HDAC1: variants seen among roughly 807,000 people sequenced by gnomAD.
HDAC1 encodes histone deacetylase 1.
A neutral mutation model predicts 65.5 loss-of-function variants in HDAC1; 18 were observed. That is an observed-to-expected ratio of 0.27 (90% CI 0.19 to 0.41). The LOEUF is 0.41. Among genes scored for constraint, HDAC1 ranks in the 10% least tolerant of loss-of-function variants. The pLI, the probability that HDAC1 is intolerant of heterozygous loss-of-function variation, is 1.00. For synonymous variants in HDAC1, 211 were observed against 227.9 expected (o/e 0.93, Z 0.67); for missense variants, 373 against 625.2 (o/e 0.60, Z 4.30).
intron 1 of HDAC1, among the ~76,000 whole-genome samples, chr1:32,299,930 C>T (rs1421664322): frequency 6.6e-6 from 1 of 152,112 alleles, no homozygotes; most frequent in East Asian, 1.9e-4. Flanking sequence ...TGATGGCAGG[C>T]ATCTGTAGTC....
intron 4 of HDAC1, among the ~76,000 whole-genome samples, chr1:32,325,512 C>T (rs1313289025): frequency 1.3e-5 from 2 of 152,162 alleles, no homozygotes; most frequent in Non-Finnish European, 2.9e-5. Context: ...ATCTGTGTCA[C>T]ACATATACAA....
chr1:32,310,099 A>C (rs1570014917), intron 2 of HDAC1, among the ~76,000 whole-genome samples: 2 of 152,304 alleles, frequency 1.3e-5, no homozygotes, highest in South Asian at 4.1e-4. Context: ...TTGTCCAGAA[A>C]GGATCTGGCA....
In HDAC1 at chr1:32,327,381, C is replaced by T. The variant is rs969551955; in HGVS notation, c.495-155C>T. 3.9e-5 allele frequency: 27 copies of T among 687,314 alleles called. No homozygotes were observed. Among genetic ancestry groups the T allele is most frequent in the Middle Eastern group, 4.1e-4 (1 of 2,446 alleles). 42.6% of individuals were successfully genotyped at this position (687,314 alleles called of 1,614,324 possible). ...GCTTGGTCAGGCCTCTGGAGACACC[C>T]GGCCGCTCTTCCACCTTCCTTCAGC... is the stretch of plus-strand genomic sequence containing the variant. On this transcript the variant is annotated intron_variant, in intron 5 of 13. Coordinates refer to ENST00000373548, the MANE Select transcript of HDAC1 (RefSeq NM_004964.3). This position sits in a 1 kb window ranked among gnomAD's most constrained non-coding sequence, Gnocchi z 6.0.
intron 1 of HDAC1, among the ~76,000 whole-genome samples, chr1:32,298,068 C>T (rs1454672546): frequency 2.7e-5 from 4 of 146,048 alleles, no homozygotes; most frequent in African/African-American, 1.0e-4. Context: ...GGATTACAGG[C>T]GTGAGCCAGC....
At position 32,330,408 on chromosome 1, in the gene HDAC1, C is replaced by T. The variant is rs1405493169; in HGVS notation, c.730-170C>T. The T allele has an allele frequency of 1.6e-6, 1 of 627,854 alleles. No homozygotes were observed. The highest frequency in any genetic ancestry group is 1.8e-5 in the African/African-American group (1 of 54,784). 38.9% of individuals were successfully genotyped at this position (627,854 alleles called of 1,614,324 possible). On this transcript the variant is annotated intron_variant, in intron 7 of 13. Transcript: ENST00000373548. This position sits in a 1 kb window ranked among gnomAD's most constrained non-coding sequence, Gnocchi z 4.2. ...ACTTTTTAAATTGGAAAATTGAAAT[C>T]CCAAGTGGGCAAGCAAGGGCTCCAG...
intron 4 of HDAC1, among the ~76,000 whole-genome samples, chr1:32,325,357 C>T (rs1237534774): frequency 6.6e-6 from 1 of 152,134 alleles, no homozygotes; most frequent in Non-Finnish European, 1.5e-5. Flanking sequence ...ATCATTGTGT[C>T]CATCCCCGCT....
In HDAC1 at chr1:32,330,876, C is replaced by G; in HGVS notation, c.947C>G (p.Thr316Arg). 1 of 1,614,142 alleles carries G rather than the reference C, an allele frequency of 6.2e-7. No individual in the cohort carries two copies. The highest frequency in any genetic ancestry group is 1.1e-5 in the South Asian group (1 of 91,080). Residue 316 changes from threonine (T) to arginine (R), a missense_variant, in exon 9 of 14, where the codon ACA becomes AGA. Coordinates refer to ENST00000373548, the MANE Select transcript of HDAC1 (RefSeq NM_004964.3). The surrounding 1 kb of genome is among the most constrained non-coding windows in gnomAD (Gnocchi z 4.2). Reference sequence around the variant, plus strand: ...GTTGCCCGGTGCTGGACATATGAGACAGCTGTGGCCCTGGATACGGAGATC... The same window carrying G: ...GTTGCCCGGTGCTGGACATATGAGAGAGCTGTGGCCCTGGATACGGAGATC... Reference protein sequence around the residue: ...RNVARCWTYETAVALDTEIPN... With the variant: ...RNVARCWTYERAVALDTEIPN...
chr1:32,324,834 G>A (rs116777073), intron 4 of HDAC1, among the ~76,000 whole-genome samples: 2,093 of 152,162 alleles, frequency 0.014, 48 homozygotes, highest in African/African-American at 0.049. Flanking sequence ...ACAATTAGCC[G>A]GGCATGGTGA....
chr1:32,316,566 C>T (rs1350742009), intron 2 of HDAC1, 99 bp from the exon 3 acceptor site: 30 of 733,382 alleles, frequency 4.1e-5, no homozygotes, highest in Non-Finnish European at 6.7e-5. Context: ...TTTATAGCAC[C>T]TAGCTCCATG....
intron 2 of HDAC1, among the ~76,000 whole-genome samples, chr1:32,304,904 G>A (rs540196585): frequency 1.3e-5 from 2 of 152,158 alleles, no homozygotes; most frequent in Non-Finnish European, 2.9e-5. Flanking sequence ...TAGAAACAGG[G>A]TCTTGCTGTT....
chr1:32,295,041 T>G (rs1458782375), intron 1 of HDAC1, among the ~76,000 whole-genome samples: 2 of 152,150 alleles, frequency 1.3e-5, no homozygotes, highest in African/African-American at 2.4e-5. Context: ...AGTAGAGGCA[T>G]CCAGTAGGCA....
chr1:32,306,872 T>A (rs1204826981), intron 2 of HDAC1, among the ~76,000 whole-genome samples: 1 of 152,200 alleles, frequency 6.6e-6, no homozygotes, highest in African/African-American at 2.4e-5. Context: ...GCTTAATTTA[T>A]AAATTAGGTA....
intron 4 of HDAC1, among the ~76,000 whole-genome samples, chr1:32,326,670 T>C (rs114264083): frequency 0.014 from 2,148 of 151,634 alleles, 47 homozygotes; most frequent in African/African-American, 0.05. Flanking sequence ...TATATATATA[T>C]ACACACACAC....
intron 3 of HDAC1, among the ~76,000 whole-genome samples, chr1:32,321,485 C>CTGCTTCCACCTCTCACCCAGTAT (rs2148067607): frequency 6.6e-6 from 1 of 151,704 alleles, no homozygotes; most frequent in Non-Finnish European, 1.5e-5. Context: ...CTGCCTACGT[C>CTGCTTCCACCTCTCACCCAGTAT]TGCTTCCACC....
At chr1:32,314,609 G>A (rs1348948030) in intron 2 of HDAC1, among the ~76,000 whole-genome samples, 3 of 151,882 alleles carry the variant, frequency 2.0e-5, no homozygotes, top group South Asian at 2.1e-4. Flanking sequence ...GGTGGATCAC[G>A]AGGTCAGGAG....
intron 3 of HDAC1, among the ~76,000 whole-genome samples, chr1:32,322,444 T>C (rs1000112357): frequency 6.6e-6 from 1 of 152,150 alleles, no homozygotes; most frequent in Non-Finnish European, 1.5e-5. Context: ...AATTTTTGTA[T>C]TTTTAGTAGA....
rs544576775 is a variant in HDAC1 at position 32,305,320 on chromosome 1, T to G, written c.162+2587T>G. Among the ~76,000 whole-genome samples, 48 of 152,328 alleles carry G rather than the reference T, an allele frequency of 3.2e-4. No homozygotes were observed. The South Asian group carries it at 4.8e-3, about 15-fold the overall frequency. ...TATGAACTTTCTTGAACATGTCTCT[T>G]GATGCATATATGCTAAAGTTTCACT... On this transcript the variant is annotated intron_variant, in intron 2 of 13. Coordinates refer to ENST00000373548, the MANE Select transcript of HDAC1 (RefSeq NM_004964.3).
intron 1 of HDAC1, among the ~76,000 whole-genome samples, chr1:32,293,181 A>G (rs1386938131): frequency 1.3e-5 from 2 of 151,428 alleles, no homozygotes; most frequent in Non-Finnish European, 2.9e-5. Context: ...TTAGCCGCGC[A>G]TGGTGGTGTG....
rs1008478150 is a variant in HDAC1, at chr1:32,333,320, A to C, written c.*276A>C. ...GATACTTTTATGCAACCATAAGACA[A>C]ACTCCTGAAATGCCAAGTGCCTGCT... is the stretch of plus-strand genomic sequence containing the variant. On this transcript the variant is annotated 3_prime_UTR_variant, in exon 14 of 14. Transcript: ENST00000373548. The C allele has an allele frequency of 1.1e-4, 31 of 283,850 alleles. No individual in the cohort carries two copies. The Admixed American group carries it at 1.2e-3, about 11-fold the overall frequency. 17.6% of individuals were successfully genotyped at this position (283,850 alleles called of 1,614,324 possible).
Sources: gnomAD v4.1 joint callset for allele counts (sites outside exome capture counted in the v4.1 genomes callset) on GRCh38, gnomAD v4.1.1 for gene constraint, Gnocchi (gnomAD v3.1) non-coding constraint, MANE v1.5 for transcripts, NCBI Gene and HGNC (gene_info 2026-07-23, HGNC 2026-07-21) for gene names.